Variants in MAN1A2 observed in about 807,000 individuals in gnomAD.
The protein encoded by MAN1A2 is mannosidase alpha class 1A member 2.
A neutral mutation model predicts 75.7 loss-of-function variants in MAN1A2; 26 were observed. The ratio of observed to expected loss-of-function variants is 0.34; its 90% CI spans 0.25 to 0.48. The LOEUF is 0.48. Among genes scored for constraint, MAN1A2 ranks in the 20% least tolerant of loss-of-function variants. MAN1A2 has a pLI of 0.99. For missense variants in MAN1A2, 562 were observed against 775.5 expected (o/e 0.72, Z 3.27); for synonymous variants, 247 against 264.6 (o/e 0.93, Z 0.65).
rs554849788 is a variant in MAN1A2, at chr1:117,471,581, G to A, written c.1168+5154G>A. Among the ~76,000 whole-genome samples the A allele has an allele frequency of 1.1e-4, 17 of 151,962 alleles. No individual in the cohort carries two copies. The East Asian group carries it at 2.7e-3, about 24-fold the overall frequency. On this transcript the variant is annotated intron_variant, in intron 8 of 12. Transcript: ENST00000356554. ...AAGAGAAGTAGCTTCAAGTTCCTTA[G>A]TGGTATCCTTTTGCTTTAATGTAAT...
intron 1 of MAN1A2, among the ~76,000 whole-genome samples, chr1:117,368,913 G>T (rs767453662): frequency 3.3e-5 from 5 of 152,158 alleles, no homozygotes; most frequent in Admixed American, 6.5e-5. Flanking sequence ...TCTTTTGGGT[G>T]TGCTCTCCCA....
At chr1:117,519,139 C>A (rs1651799451) in intron 12 of MAN1A2, among the ~76,000 whole-genome samples, 1 of 151,858 alleles carries the variant, frequency 6.6e-6, no homozygotes, top group Non-Finnish European at 1.5e-5. Flanking sequence ...TTGAATTGAA[C>A]AGCAGTAGTG....
At chr1:117,500,115 A>T (rs968548451) in intron 11 of MAN1A2, among the ~76,000 whole-genome samples, 1 of 151,912 alleles carries the variant, frequency 6.6e-6, no homozygotes, top group Non-Finnish European at 1.5e-5. Flanking sequence ...TTAAGGCAAG[A>T]TGTATACCAG....
intron 8 of MAN1A2, among the ~76,000 whole-genome samples, chr1:117,473,984 C>T (rs903725891): frequency 1.3e-5 from 2 of 151,840 alleles, no homozygotes; most frequent in African/African-American, 4.8e-5. Flanking sequence ...AGTTGACAGG[C>T]AGTGTTGAGG....
At chr1:117,445,235 T>C (rs1649173977) in intron 6 of MAN1A2, among the ~76,000 whole-genome samples, 1 of 152,194 alleles carries the variant, frequency 6.6e-6, no homozygotes, top group African/African-American at 2.4e-5. Flanking sequence ...ATGTATCCTT[T>C]TTATATTTTG....
chr1:117,497,267 A>G (rs189801571), intron 10 of MAN1A2, among the ~76,000 whole-genome samples: 3 of 152,016 alleles, frequency 2.0e-5, no homozygotes, highest in Non-Finnish European at 4.4e-5. Flanking sequence ...AACTTTTAAT[A>G]TAAGAATCTA....
intron 6 of MAN1A2, among the ~76,000 whole-genome samples, chr1:117,458,521 A>ATTTTTTTTTTT (rs1409683905): frequency 2.1e-5 from 2 of 94,330 alleles, no homozygotes; most frequent in Non-Finnish European, 4.4e-5. Context: ...AGATATATAT[A>ATTTTTTTTTTT]TATTTTTTTT....
intron 5 of MAN1A2, among the ~76,000 whole-genome samples, chr1:117,438,554 C>A (rs1163556103): frequency 1.3e-5 from 2 of 152,162 alleles, no homozygotes; most frequent in Non-Finnish European, 2.9e-5. Flanking sequence ...CACATTCACT[C>A]ACCACTCATC....
intron 12 of MAN1A2, among the ~76,000 whole-genome samples, chr1:117,513,609 T>C (rs1311693872): frequency 1.3e-5 from 2 of 151,806 alleles, no homozygotes; most frequent in Admixed American, 6.6e-5. Context: ...CCCTTAAAAG[T>C]AATTTCATCT....
chr1:117,404,952 C>A (rs982364762), intron 2 of MAN1A2, among the ~76,000 whole-genome samples: 2 of 152,026 alleles, frequency 1.3e-5, no homozygotes, highest in African/African-American at 4.8e-5. Flanking sequence ...GAGGCTGAGG[C>A]AGGAGAATGG....
intron 8 of MAN1A2, among the ~76,000 whole-genome samples, chr1:117,469,306 C>T (rs1415173247): frequency 1.3e-5 from 2 of 152,080 alleles, no homozygotes; most frequent in Admixed American, 1.3e-4. Flanking sequence ...CAAAAATTAA[C>T]TCAAAACAGA....
chr1:117,522,011 T>C lies in MAN1A2; in HGVS notation c.1794-814T>C, dbSNP rs549250835. ...ACACAAAGGTGTGAGAATGATACAG[T>C]GGACTTTGGGGAGTTTGGGGGAAGA... On this transcript the variant is annotated intron_variant, in intron 12 of 12. Coordinates refer to ENST00000356554, the MANE Select transcript of MAN1A2 (RefSeq NM_006699.5). Among the ~76,000 whole-genome samples, 11 of 151,950 alleles carry C rather than the reference T, an allele frequency of 7.2e-5. No individual in the cohort carries two copies. The South Asian group carries it at 2.3e-3, about 32-fold the overall frequency.
intron 2 of MAN1A2, 150 bp downstream of exon 2, chr1:117,402,591 CTCTT>C (rs1647476346): frequency 7.8e-6 from 4 of 514,686 alleles, no homozygotes; most frequent in South Asian, 8.2e-5. Flanking sequence ...AGGACTAGAA[CTCTT>C]TCTTGTTTTT....
intron 11 of MAN1A2, 26 bp from the exon 12 acceptor site, chr1:117,502,829 C>T: frequency 8.3e-7 from 1 of 1,208,228 alleles, no homozygotes; most frequent in Non-Finnish European, 1.2e-6. Context: ...TACGGAATTG[C>T]TTATTTTGTC....
intron 7 of MAN1A2, among the ~76,000 whole-genome samples, chr1:117,462,001 T>C (rs139867944): frequency 6.6e-6 from 1 of 152,276 alleles, no homozygotes; most frequent in African/African-American, 2.4e-5. Flanking sequence ...ACAAACAGAC[T>C]GACAAACAGA....
At chr1:117,457,471 A>G (rs895551932) in intron 6 of MAN1A2, among the ~76,000 whole-genome samples, 8 of 151,818 alleles carry the variant, frequency 5.3e-5, no homozygotes, top group Non-Finnish European at 1.2e-4. Context: ...GTTCTTAGGG[A>G]TTTTCTTATT....
rs1398028122 is a variant in MAN1A2, at chr1:117,525,836, C to T, written c.*2879C>T. 2 of 151,764 alleles carry T rather than the reference C, an allele frequency of 1.3e-5. No individual in the cohort carries two copies. The highest frequency in any genetic ancestry group is 2.9e-5 in the Non-Finnish European group (2 of 67,826). 9.4% of individuals were successfully genotyped at this position (151,764 alleles called of 1,614,324 possible). On this transcript the variant is annotated 3_prime_UTR_variant, in exon 13 of 13. Transcript: ENST00000356554. ...CAACTCAGAAAAATAAGTCCCCAGT[C>T]AGGTGGTTCTTACTTTCTTGTGGGT...
At chr1:117,438,226 G>C (rs1450782736) in intron 5 of MAN1A2, among the ~76,000 whole-genome samples, 2 of 152,048 alleles carry the variant, frequency 1.3e-5, no homozygotes, top group East Asian at 3.9e-4. Flanking sequence ...GCCAATGTTT[G>C]TGTTTGTGTC....
intron 8 of MAN1A2, among the ~76,000 whole-genome samples, chr1:117,485,152 A>G (rs1220881332): frequency 6.6e-6 from 1 of 152,002 alleles, no homozygotes; most frequent in Non-Finnish European, 1.5e-5. Flanking sequence ...AAATACAGGA[A>G]TTAAACCAAG....
Sources: allele counts gnomAD v4.1 joint callset (sites outside exome capture counted in the v4.1 genomes callset), GRCh38; gene constraint gnomAD v4.1.1; transcripts MANE v1.5; gene names NCBI Gene and HGNC (gene_info 2026-07-23, HGNC 2026-07-21).